The following FBLN2 variants were observed in gnomAD, a reference collection of about 807,000 sequenced individuals.
FBLN2 encodes the protein fibulin 2, also known as fibulin-2.
In FBLN2, 81 loss-of-function variants were observed where a neutral mutation model predicts 123.7. The observed-to-expected ratio is 0.65, with a 90% confidence interval of 0.55 to 0.79. The LOEUF is 0.79. Ranked by LOEUF, FBLN2 falls within the 30% of genes least tolerant of loss-of-function variation. FBLN2 has a pLI of 0.00. For missense variants in FBLN2, 1,603 were observed against 1,681.3 expected, an observed-to-expected ratio of 0.95 and a Z score of 0.81; for synonymous variants, 699 against 701.4, an observed-to-expected ratio of 1.00 and a Z score of 0.05.
chr3:13,562,996 A>G (rs559552289), intron 1 of FBLN2, among the ~76,000 whole-genome samples: 1 of 152,328 alleles, frequency 6.6e-6, no homozygotes, highest in Non-Finnish European at 1.5e-5. Flanking sequence ...GTTGCATTGT[A>G]TGGAATATTT....
At chr3:13,626,960 G>A (rs1284520576) in intron 10 of FBLN2, among the ~76,000 whole-genome samples, 1 of 152,254 alleles carries the variant, frequency 6.6e-6, no homozygotes, top group East Asian at 1.9e-4. Flanking sequence ...TAATCAGAGG[G>A]AGGGGTTTCA....
At position 13,636,454 on chromosome 3, in the gene FBLN2, A is replaced by C; in HGVS notation, c.3224A>C (p.Glu1075Ala). 4 of 1,613,700 alleles carry C rather than the reference A, an allele frequency of 2.5e-6. No individual in the cohort carries two copies. Among genetic ancestry groups the C allele is most frequent in the Non-Finnish European group, 3.4e-6 (4 of 1,179,772 alleles). Residue 1075 changes from glutamate (E) to alanine (A), a missense_variant, in exon 17 of 18, where the codon GAG (glutamate) becomes GCG (alanine). Glu to Ala is a moderately radical substitution (Grantham distance 107, BLOSUM62 -1). Coordinates refer to ENST00000404922, the MANE Select transcript of FBLN2 (RefSeq NM_001004019.2). ...CCCTCTTCTCCCCCAGACGTGGATGAGTGTGCACTGGGTACCCACAACTGT... is the reference window on the plus strand; with the variant it reads ...CCCTCTTCTCCCCCAGACGTGGATGCGTGTGCACTGGGTACCCACAACTGT... ...ANGRSCKDVD[E>A]CALGTHNCSE...
In FBLN2 at chr3:13,609,807, A is replaced by G. The variant is rs369026425; in HGVS notation, c.1548+165A>G. On this transcript the variant is annotated intron_variant, in intron 4 of 17. Transcript: ENST00000404922. ...GAAGGACTCTTAATCTGCGCAGAAA[A>G]CATCATCAGTTATTATACTGACCAA... Among the ~76,000 whole-genome samples the G allele has an allele frequency of 2.0e-5, 3 of 152,278 alleles. No homozygotes were observed. The East Asian group carries it at 5.8e-4, about 29-fold the overall frequency.
In FBLN2 at chr3:13,570,663, G is replaced by C. The variant is rs746917390; in HGVS notation, c.308G>C (p.Gly103Ala). 4 of 1,583,464 alleles carry C rather than the reference G, an allele frequency of 2.5e-6. No individual in the cohort carries two copies. In the African/African-American group the frequency reaches 4.0e-5, roughly 16 times the overall value. ...FGSTECSCPP[G>A]GGKISCQFML... ...AGCACTGAGTGCTCCTGCCCACCAG[G>C]CGGCGGCAAGATCAGCTGCCAGTTC... Residue 103 changes from glycine to alanine, a missense_variant, in exon 2 of 18, where the codon GGC (glycine) becomes GCC (alanine). Physicochemically the swap from Gly to Ala is moderately conservative, Grantham distance 60 (BLOSUM62 0). Coordinates refer to ENST00000404922, the MANE Select transcript of FBLN2 (RefSeq NM_001004019.2).
chr3:13,572,587 T>C (rs1394249078), intron 2 of FBLN2, among the ~76,000 whole-genome samples: 1 of 152,226 alleles, frequency 6.6e-6, no homozygotes, highest in Non-Finnish European at 1.5e-5. Context: ...AGGCTTCAGA[T>C]AGGGACCGGC....
At chr3:13,565,093 CT>C (rs1010435643) in intron 1 of FBLN2, among the ~76,000 whole-genome samples, 1 of 152,204 alleles carries the variant, frequency 6.6e-6, no homozygotes, top group African/African-American at 2.4e-5. Flanking sequence ...TCACCTGTCC[CT>C]GCTGGACACT....
At position 13,630,695 on chromosome 3, in the gene FBLN2, G is replaced by A. The variant is rs1265657996; in HGVS notation, c.2969-4G>A. 3.1e-6 allele frequency: 5 copies of A among 1,595,642 alleles called. No individual in the cohort carries two copies. The East Asian group carries it at 9.1e-5, about 29-fold the overall frequency. On this transcript the variant is annotated splice_region_variant and splice_polypyrimidine_tract_variant and intron_variant, in intron 14 of 17. Transcript: ENST00000404922. The stretch of plus-strand genomic sequence containing the variant: ...GCCATGACTGCCTGCTGGTGTCCCT[G>A]CAGACGTGAATGAGTGTGAGGCCCA...
chr3:13,587,304 A>G (rs1008715056), intron 2 of FBLN2, among the ~76,000 whole-genome samples: 2 of 152,196 alleles, frequency 1.3e-5, no homozygotes, highest in African/African-American at 4.8e-5. Context: ...TTTATAAAGT[A>G]AAAACATTAC....
chr3:13,573,764 G>A (rs1040093023), intron 2 of FBLN2, among the ~76,000 whole-genome samples: 5 of 152,096 alleles, frequency 3.3e-5, no homozygotes, highest in Non-Finnish European at 4.4e-5. Context: ...TTAGTCTGGC[G>A]TGGTGGCAGG....
At chr3:13,574,599 CT>C (rs914840325) in intron 2 of FBLN2, among the ~76,000 whole-genome samples, 2 of 152,180 alleles carry the variant, frequency 1.3e-5, no homozygotes, top group African/African-American at 4.8e-5. Flanking sequence ...CCAGCCAGGC[CT>C]GGGGCACTGG....
rs1050536613 is a variant in FBLN2, at chr3:13,549,471, G to A, written c.-42+263G>A. ...CGCGGGGTGGGGGCCAGGGGTCCGC[G>A]GGCGGGTTCCCCCACCCCAGGTCCG... On this transcript the variant is annotated intron_variant, in intron 1 of 17. Transcript: ENST00000404922. Among the ~76,000 whole-genome samples the A allele has an allele frequency of 2.0e-5, 3 of 151,894 alleles. No homozygotes were observed. The East Asian group carries it at 5.9e-4, about 30-fold the overall frequency.
chr3:13,576,729 C>G lies in FBLN2; in HGVS notation c.1306+5068C>G, dbSNP rs866773234. Among the ~76,000 whole-genome samples, 1,207 of 152,016 alleles carry G rather than the reference C, an allele frequency of 7.9e-3. 15 individuals carry two copies. Among genetic ancestry groups the G allele is most frequent in the African/African-American group, 0.023 (961 of 41,406 alleles). ...GGGGTGGTCAGGGGGATCCCCCCCC[C>G]CCGGGTTCACTCATTTATCCACCCA... On this transcript the variant is annotated intron_variant, in intron 2 of 17. Transcript: ENST00000404922.
intron 4 of FBLN2, 50 bp downstream of exon 4, chr3:13,609,692 G>GGA: frequency 2.4e-5 from 12 of 508,386 alleles, no homozygotes; most frequent in Non-Finnish European, 4.5e-5. Flanking sequence ...GGCGGGGCGG[G>GGA]AGGCTGGCCT....
At chr3:13,623,402 T>C (rs1321180223) in intron 9 of FBLN2, among the ~76,000 whole-genome samples, 1 of 152,196 alleles carries the variant, frequency 6.6e-6, no homozygotes, top group Non-Finnish European at 1.5e-5. Context: ...GCACATTCCA[T>C]TCAGCAAAAT....
intron 16 of FBLN2, among the ~76,000 whole-genome samples, chr3:13,635,943 C>G (rs987959889): frequency 6.6e-5 from 10 of 152,060 alleles, no homozygotes; most frequent in Admixed American, 5.9e-4. Flanking sequence ...GGCAGGAGGA[C>G]CACTGTAGAG....
intron 16 of FBLN2, among the ~76,000 whole-genome samples, chr3:13,633,215 T>C (rs1380166192): frequency 2.6e-5 from 4 of 152,262 alleles, no homozygotes; most frequent in South Asian, 2.1e-4. Flanking sequence ...CCATCGTGGG[T>C]GCACCTGACC....
chr3:13,627,460 C>T (rs956806932), intron 10 of FBLN2, among the ~76,000 whole-genome samples: 3 of 152,172 alleles, frequency 2.0e-5, no homozygotes, highest in Admixed American at 1.3e-4. Flanking sequence ...GGGAGCCAGT[C>T]CCCCGGGTTC....
intron 1 of FBLN2, among the ~76,000 whole-genome samples, chr3:13,556,329 C>T (rs1217666704): frequency 1.5e-5 from 2 of 129,548 alleles, no homozygotes; most frequent in African/African-American, 2.8e-5. Context: ...GGGTGGGAAG[C>T]GGCGGACGGA....
Position 13,621,926 on chromosome 3 carries a change from G to A in FBLN2, c.2296+11G>A, listed in dbSNP as rs1477824737. The A allele has an allele frequency of 3.7e-6, 6 of 1,606,374 alleles. No homozygotes were observed. The Admixed American group carries it at 8.4e-5, about 22-fold the overall frequency. On this transcript the variant is annotated intron_variant, in intron 9 of 17. Transcript: ENST00000404922. ...ACAGGAAGTGCGTGGGTAAGCCAGG[G>A]CCCCGCCTGCCGCCCGCCGTCACAG... is the stretch of plus-strand genomic sequence containing the variant.
Sources: gnomAD v4.1 joint callset for allele counts (sites outside exome capture counted in the v4.1 genomes callset) on GRCh38, gnomAD v4.1.1 for gene constraint, MANE v1.5 for transcripts, NCBI Gene and HGNC (gene_info 2026-07-23, HGNC 2026-07-21) for gene names.